Variants in ESR1 observed in about 807,000 individuals in gnomAD.
The protein encoded by ESR1 is estrogen receptor 1, also known as estrogen receptor.
ESR1 carries 12 observed loss-of-function variants against 52.7 expected under a neutral mutation model. The ratio of observed to expected loss-of-function variants is 0.23; its 90% confidence interval spans 0.15 to 0.37. The LOEUF (loss-of-function observed/expected upper bound fraction) is 0.37. Ranked by LOEUF, ESR1 falls within the 10% of genes least tolerant of loss-of-function variation. The pLI, the probability that ESR1 is intolerant of heterozygous loss-of-function variation, is 1.00. For synonymous variants in ESR1, 305 were observed against 316.8 expected (o/e 0.96, Z 0.39); for missense variants, 584 against 779.7 (o/e 0.75, Z 2.99).
chr6:151,978,616 C>T (rs2039688123), intron 4 of ESR1, among the ~76,000 whole-genome samples: 1 of 152,034 alleles, frequency 6.6e-6, no homozygotes, highest in African/African-American at 2.4e-5. Flanking sequence ...CTTGAAAATG[C>T]AGCCAGAGAG....
intron 4 of ESR1, among the ~76,000 whole-genome samples, chr6:152,004,142 A>T (rs1286780572): frequency 1.3e-5 from 2 of 152,110 alleles, no homozygotes; most frequent in East Asian, 3.9e-4. Flanking sequence ...ATCAAATACT[A>T]GTGGGTGAGT....
chr6:151,720,636 A>T lies in ESR1; in HGVS notation c.-71+18631A>T, dbSNP rs549946209. Among the ~76,000 whole-genome samples the T allele has an allele frequency of 2.0e-5, 3 of 152,328 alleles. No homozygotes were observed. The East Asian group carries it at 5.8e-4, about 29-fold the overall frequency. ...TTTTTGATCACGAAACTCTTTAAAAAACAACAAGTATAATTGCTTTTATAG... is the reference window on the plus strand; with the variant it reads ...TTTTTGATCACGAAACTCTTTAAAATACAACAAGTATAATTGCTTTTATAG... On this transcript the variant is annotated intron_variant, in intron 2 of 2. Transcript: ENST00000404742.
At chr6:151,901,658 A>G (rs554297333) in intron 3 of ESR1, among the ~76,000 whole-genome samples, 52 of 152,296 alleles carry the variant, frequency 3.4e-4, no homozygotes, top group African/African-American at 1.2e-3. Flanking sequence ...GTCTAATTAA[A>G]TCAGCTCCAG....
At chr6:151,829,718 G>A (rs564645341) in intron 1 of ESR1, among the ~76,000 whole-genome samples, 1 of 152,196 alleles carries the variant, frequency 6.6e-6, no homozygotes, top group East Asian at 1.9e-4. Context: ...CCATTGTAGC[G>A]CCAGATGGGG....
At chr6:151,892,956 A>G (rs1443637928) in intron 3 of ESR1, among the ~76,000 whole-genome samples, 1 of 152,178 alleles carries the variant, frequency 6.6e-6, no homozygotes, top group Non-Finnish European at 1.5e-5. Context: ...TGGGAGGCCG[A>G]GCTGGGTGGA....
chr6:151,988,770 C>T (rs1241426264), intron 4 of ESR1, among the ~76,000 whole-genome samples: 1 of 151,760 alleles, frequency 6.6e-6, no homozygotes, highest in Non-Finnish European at 1.5e-5. Context: ...ATATTTGCAT[C>T]GGAGTTATAT....
intron 2 of ESR1, among the ~76,000 whole-genome samples, chr6:151,760,971 G>A (rs961848725): frequency 1.3e-5 from 2 of 152,116 alleles, no homozygotes; most frequent in African/African-American, 4.8e-5. Flanking sequence ...ATACTGATAT[G>A]TTTCAGTACA....
chr6:152,075,400 C>T (rs2048661397), intron 6 of ESR1, among the ~76,000 whole-genome samples: 1 of 152,182 alleles, frequency 6.6e-6, no homozygotes, highest in Non-Finnish European at 1.5e-5. Context: ...ATATAACCTT[C>T]CTCTCGTTAA....
chr6:151,791,744 A>G (rs1046362175), intron 2 of ESR1, among the ~76,000 whole-genome samples: 3 of 152,198 alleles, frequency 2.0e-5, no homozygotes, highest in Non-Finnish European at 4.4e-5. Flanking sequence ...TTTTCCTCCT[A>G]TAATTCTTGA....
At chr6:151,813,044 A>G (rs1171693313) in intron 1 of ESR1, among the ~76,000 whole-genome samples, 1 of 152,136 alleles carries the variant, frequency 6.6e-6, no homozygotes, top group Non-Finnish European at 1.5e-5. Context: ...CTGAAATCCC[A>G]GAATTTAAGT....
intron 5 of ESR1, among the ~76,000 whole-genome samples, chr6:152,020,199 G>GAGTATTT (rs2043513389): frequency 6.6e-6 from 1 of 152,160 alleles, no homozygotes; most frequent in South Asian, 2.1e-4. Flanking sequence ...TTGCCATGCA[G>GAGTATTT]AGTATTTAGT....
chr6:152,018,238 A>T (rs893833245), intron 5 of ESR1, among the ~76,000 whole-genome samples: 9 of 152,146 alleles, frequency 5.9e-5, no homozygotes, highest in African/African-American at 2.2e-4. Flanking sequence ...TAGAAAAAAA[A>T]AAGTCATTCT....
At chr6:152,107,322 A>G (rs777707527), downstream of ESR1, among the ~76,000 whole-genome samples, 4 of 151,900 alleles carry the variant, frequency 2.6e-5, no homozygotes, top group Admixed American at 6.6e-5. Flanking sequence ...CAAATTACAT[A>G]ATTTCTATTC....
intron 2 of ESR1, among the ~76,000 whole-genome samples, chr6:151,728,366 A>G (rs56363305): frequency 0.02 from 3,008 of 152,330 alleles, 37 homozygotes; most frequent in East Asian, 0.03. Flanking sequence ...CATCCTGTAA[A>G]TGGAAAATTC....
chr6:151,983,129 G>T (rs536980424), intron 4 of ESR1, among the ~76,000 whole-genome samples: 2 of 152,214 alleles, frequency 1.3e-5, no homozygotes, highest in Non-Finnish European at 2.9e-5. Context: ...ATATTGGATA[G>T]TACAGCTTTA....
upstream of ESR1, among the ~76,000 whole-genome samples, chr6:151,686,982 A>G (rs1430191152): frequency 1.3e-5 from 2 of 152,082 alleles, no homozygotes; most frequent in East Asian, 1.9e-4. Flanking sequence ...CTGTTCCTGC[A>G]TAACTTCACT....
intron 2 of ESR1, among the ~76,000 whole-genome samples, chr6:151,850,100 AT>A (rs1786272162): frequency 7.3e-6 from 1 of 136,128 alleles, no homozygotes; most frequent in Non-Finnish European, 1.6e-5. Flanking sequence ...ATAATTTTAT[AT>A]ATATATACAA....
At chr6:151,934,013 G>C (rs1292794169) in intron 3 of ESR1, among the ~76,000 whole-genome samples, 2 of 152,170 alleles carry the variant, frequency 1.3e-5, no homozygotes, top group Non-Finnish European at 2.9e-5. Context: ...ATGGAAAGCA[G>C]TGGCTTCTCA....
At chr6:151,681,909 G>T (rs1303981739) in intron 1 of ESR1, among the ~76,000 whole-genome samples, 2 of 152,166 alleles carry the variant, frequency 1.3e-5, no homozygotes, top group Non-Finnish European at 2.9e-5. Context: ...ACCACGAGGT[G>T]CTGGGGTCGC....
Sources: allele counts gnomAD v4.1 joint callset (sites outside exome capture counted in the v4.1 genomes callset), GRCh38; gene constraint gnomAD v4.1.1; transcripts MANE v1.5; gene names NCBI Gene and HGNC (gene_info 2026-07-23, HGNC 2026-07-21).